TEX11: variants seen among roughly 807,000 people sequenced by gnomAD.
TEX11 encodes testis-expressed protein 11.
Under a neutral mutation model 84.4 loss-of-function variants are expected in TEX11, and 7 were observed. The ratio of observed to expected loss-of-function variants is 0.08; its 90% CI spans 0.05 to 0.16. TEX11 has a LOEUF of 0.16. TEX11 is among the 10% of genes least tolerant of loss of function. The pLI is 1.00. For synonymous variants in TEX11, 264 were observed against 222.8 expected (o/e 1.18, Z -1.64); for missense variants, 551 against 660.5 (o/e 0.83, Z 1.82).
chrX:70,710,022 T>A (rs1332867168), intron 13 of TEX11, among the ~76,000 whole-genome samples: 1 of 111,069 alleles, frequency 9.0e-6, no homozygotes, highest in Non-Finnish European at 1.9e-5. Flanking sequence ...TCTGATTCTG[T>A]CTTGGTAGTC....
At chrX:70,713,786 T>A (rs2090466072) in intron 13 of TEX11, among the ~76,000 whole-genome samples, 1 of 111,784 alleles carries the variant, frequency 8.9e-6, no homozygotes, top group Non-Finnish European at 1.9e-5. Flanking sequence ...TGTGTCTCTA[T>A]TTCCTTCAGT....
At chrX:70,869,519 A>G (rs1422002303) in intron 4 of TEX11, among the ~76,000 whole-genome samples, 2 of 112,124 alleles carry the variant, frequency 1.8e-5, no homozygotes, top group Non-Finnish European at 3.8e-5. Flanking sequence ...TTAACTTCAT[A>G]GCAACATTTC....
chrX:70,868,319 A>G (rs1274710673), intron 4 of TEX11, among the ~76,000 whole-genome samples: 1 of 112,341 alleles, frequency 8.9e-6, no homozygotes, highest in African/African-American at 3.2e-5. Context: ...AATGAAAACC[A>G]CAATGAGGTA....
At chrX:70,813,953 C>G (rs770013663) in intron 8 of TEX11, among the ~76,000 whole-genome samples, 1 of 111,468 alleles carries the variant, frequency 9.0e-6, no homozygotes, top group Admixed American at 9.6e-5. Context: ...CATAAGAGGA[C>G]ACAAACAAAT....
At chrX:70,831,675 A>T (rs868653935) in intron 8 of TEX11, among the ~76,000 whole-genome samples, 3 of 110,939 alleles carry the variant, frequency 2.7e-5, no homozygotes, top group African/African-American at 9.8e-5. Flanking sequence ...GGCCGTATGA[A>T]TAAGTTCTGG....
chrX:70,599,095 G>T (rs1367339739), intron 24 of TEX11, among the ~76,000 whole-genome samples: 1 of 111,403 alleles, frequency 9.0e-6, no homozygotes, highest in Non-Finnish European at 1.9e-5. Context: ...CAAGGATAGG[G>T]ATCAGGACAC....
In TEX11 at chrX:70,853,030, C is replaced by T. The variant is rs758974978; in HGVS notation, c.525+4G>A. 1 of 1,208,434 alleles carries T rather than the reference C, an allele frequency of 8.3e-7. No individual in the cohort carries two copies. The highest frequency in any genetic ancestry group is 3.0e-5 in the East Asian group (1 of 33,788). On this transcript the variant is annotated splice_donor_region_variant and intron_variant, in intron 7 of 29. Coordinates refer to ENST00000374333, the MANE Select transcript of TEX11 (RefSeq NM_031276.3). ...TGGAAGACCCTGGTGCCCACGATAC[C>T]TACTGACTCTGCTTGGTAAGAAAGC...
At chrX:70,823,801 G>A (rs1039193162) in intron 8 of TEX11, among the ~76,000 whole-genome samples, 18 of 110,456 alleles carry the variant, frequency 1.6e-4, no homozygotes, top group Non-Finnish European at 3.4e-4. Flanking sequence ...GAAATCAGGA[G>A]TTCGAGACCA....
chrX:70,560,228 G>A (rs969443411), intron 25 of TEX11, among the ~76,000 whole-genome samples: 80 of 108,609 alleles, frequency 7.4e-4, no homozygotes, highest in Middle Eastern at 4.3e-3. Flanking sequence ...TCAGCTGACC[G>A]TGACCTCCGC....
chrX:70,610,885 C>A (rs376221305), intron 20 of TEX11, among the ~76,000 whole-genome samples: 1 of 111,497 alleles, frequency 9.0e-6, no homozygotes, highest in South Asian at 3.8e-4. Context: ...GAACTAGAAC[C>A]CTTATTTCAA....
At chrX:70,659,977 G>A (rs1350146192) in intron 16 of TEX11, among the ~76,000 whole-genome samples, 1 of 112,010 alleles carries the variant, frequency 8.9e-6, no homozygotes, top group African/African-American at 3.2e-5. Context: ...ATGACTATAT[G>A]GTATAGCCCA....
intron 9 of TEX11, among the ~76,000 whole-genome samples, chrX:70,790,580 G>C (rs775406628): frequency 8.9e-6 from 1 of 112,380 alleles, no homozygotes; most frequent in Non-Finnish European, 1.9e-5. Context: ...ATGCAAGGCA[G>C]CTGCAGTAAA....
At chrX:70,522,146 C>G in the TEX11 span, among the ~76,000 whole-genome samples, 1 of 112,099 alleles carries the variant, frequency 8.9e-6, no homozygotes, top group Non-Finnish European at 1.9e-5. Flanking sequence ...AGGTATGAAC[C>G]ATTGTGCCTG....
At chrX:70,860,523 T>C (rs1206009763) in intron 5 of TEX11, among the ~76,000 whole-genome samples, 1 of 111,564 alleles carries the variant, frequency 9.0e-6, no homozygotes, top group Non-Finnish European at 1.9e-5. Context: ...ATTTTTCATT[T>C]GAAAAACTCA....
chrX:70,691,903 C>T (rs918268668), intron 13 of TEX11, among the ~76,000 whole-genome samples: 3 of 111,254 alleles, frequency 2.7e-5, no homozygotes, highest in Non-Finnish European at 5.7e-5. Context: ...TATATCAAAA[C>T]ATCACATTAA....
intron 28 of TEX11, among the ~76,000 whole-genome samples, chrX:70,550,548 GA>G (rs908698185): frequency 1.8e-5 from 2 of 110,925 alleles, no homozygotes; most frequent in East Asian, 2.8e-4. Flanking sequence ...AACTCTATAG[GA>G]AAAAAAATCT....
downstream of TEX11, among the ~76,000 whole-genome samples, chrX:70,528,093 A>T (rs1019429872): frequency 9.0e-6 from 1 of 111,558 alleles, no homozygotes; most frequent in African/African-American, 3.3e-5. Flanking sequence ...TCACATGAGG[A>T]ACAACTAAGG....
At chrX:70,579,217 G>A (rs149675694) in intron 25 of TEX11, among the ~76,000 whole-genome samples, 96 of 109,564 alleles carry the variant, frequency 8.8e-4, no homozygotes, top group East Asian at 5.2e-3. Context: ...GGCCGGGCGC[G>A]GTGGCTCACA....
At chrX:70,757,902 G>C (rs2090879410) in intron 9 of TEX11, among the ~76,000 whole-genome samples, 1 of 111,277 alleles carries the variant, frequency 9.0e-6, no homozygotes, top group Admixed American at 9.6e-5. Flanking sequence ...ACAAACATAG[G>C]CTCAAAATAA....
Sources: gnomAD v4.1 joint callset for allele counts (sites outside exome capture counted in the v4.1 genomes callset) on GRCh38, gnomAD v4.1.1 for gene constraint, MANE v1.5 for transcripts, NCBI Gene and HGNC (gene_info 2026-07-23, HGNC 2026-07-21) for gene names.